The following DGKB variants were observed in gnomAD, a reference collection of about 807,000 sequenced individuals.
The protein encoded by DGKB is diacylglycerol kinase beta.
In DGKB, 67 loss-of-function variants were observed where a neutral mutation model predicts 114.3. The ratio of observed to expected loss-of-function variants is 0.59; its 90% CI spans 0.48 to 0.72. DGKB has a LOEUF of 0.72. Ranked by LOEUF, DGKB falls within the 30% of genes least tolerant of loss-of-function variation. DGKB has a pLI of 0.00. For missense variants in DGKB, 907 were observed against 975.2 expected (o/e 0.93, Z 0.93); for synonymous variants, 398 against 323.1 (o/e 1.23, Z -2.49).
chr7:14,464,962 T>G (rs1399555612), intron 21 of DGKB, among the ~76,000 whole-genome samples: 1 of 152,130 alleles, frequency 6.6e-6, no homozygotes, highest in Non-Finnish European at 1.5e-5. Flanking sequence ...TAAGGGTGGC[T>G]AGGTCACTAA....
intron 20 of DGKB, among the ~76,000 whole-genome samples, chr7:14,521,731 A>C (rs188644122): frequency 6.6e-6 from 1 of 152,142 alleles, no homozygotes; most frequent in Non-Finnish European, 1.5e-5. Context: ...TGATAACAAC[A>C]TCTATGTTTT....
intron 6 of DGKB, among the ~76,000 whole-genome samples, chr7:14,704,778 C>A (rs1380308661): frequency 2.0e-5 from 3 of 152,084 alleles, no homozygotes; most frequent in Non-Finnish European, 2.9e-5. Flanking sequence ...AGAAGGAAAA[C>A]TAACAAACAG....
In DGKB at chr7:14,498,473, C is replaced by G. The variant is rs1315069231; in HGVS notation, c.1771-20248G>C. ...CTGTAGAAAGTCAAGACCAGAGATT[C>G]AGAGAATAAAATAACCTGTCTAAAT... On this transcript the variant is annotated intron_variant, in intron 20 of 25. Coordinates refer to ENST00000402815, the MANE Select transcript of DGKB (RefSeq NM_001350709.2). Among the ~76,000 whole-genome samples the G allele has an allele frequency of 1.9e-4, 29 of 151,708 alleles. No individual in the cohort carries two copies. In the Admixed American group the frequency reaches 1.9e-3, roughly 10 times the overall value.
Position 14,148,937 on chromosome 7 carries a change from A to AAAG in DGKB, c.*191_*193dup, listed in dbSNP as rs1272928969. On this transcript the variant is annotated 3_prime_UTR_variant, in exon 26 of 26. Transcript: ENST00000402815. ...AGGTAAACTTCTGCTTTCTTCATGC[A>AAAG]AAGATGCCTATAAAAACTGAGACAA... 5 of 591,720 alleles carry AAAG rather than the reference A, an allele frequency of 8.4e-6. No homozygotes were observed. In the East Asian group the frequency reaches 1.2e-4, roughly 14 times the overall value. The allele number at this position is 591,720 out of a possible 1,614,324, so 36.7% of individuals were successfully genotyped here. A position where few individuals can be genotyped will look rare whatever the true frequency, so the allele number is the denominator to read the frequency against.
chr7:14,474,168 C>T (rs1286366242), intron 21 of DGKB, among the ~76,000 whole-genome samples: 1 of 152,110 alleles, frequency 6.6e-6, no homozygotes, highest in Non-Finnish European at 1.5e-5. Flanking sequence ...GTGGGAAGGA[C>T]CTGGTGGGTG....
At chr7:14,582,388 C>T (rs1160306541) in intron 18 of DGKB, among the ~76,000 whole-genome samples, 1 of 151,800 alleles carries the variant, frequency 6.6e-6, no homozygotes, top group Non-Finnish European at 1.5e-5. Context: ...GTATTATTTG[C>T]TCATAAAAAT....
chr7:14,955,954 G>A (rs1342435771), intron 1 of DGKB, among the ~76,000 whole-genome samples: 1 of 151,966 alleles, frequency 6.6e-6, no homozygotes, highest in African/African-American at 2.4e-5. Context: ...TGAAGAGGTA[G>A]GCATGAGGTA....
chr7:14,829,417 G>A (rs1846120391), intron 2 of DGKB, among the ~76,000 whole-genome samples: 1 of 152,090 alleles, frequency 6.6e-6, no homozygotes, highest in Non-Finnish European at 1.5e-5. Flanking sequence ...CAAAGTATAA[G>A]CTTCTTTGAC....
intron 21 of DGKB, among the ~76,000 whole-genome samples, chr7:14,346,160 T>A (rs531238243): frequency 2.6e-4 from 39 of 151,890 alleles, no homozygotes; most frequent in African/African-American, 9.1e-4. Context: ...AGTATGTCTC[T>A]CATATCAAAT....
intron 21 of DGKB, among the ~76,000 whole-genome samples, chr7:14,392,982 G>GTTTTTTTTTTTTTTTTT (rs1298052301): frequency 7.3e-5 from 2 of 27,468 alleles, no homozygotes; most frequent in Non-Finnish European, 2.2e-4. Context: ...AAACAGACCT[G>GTTTTTTTTTTTTTTTTT]TTTTTTGTTT....
chr7:14,839,372 C>A (rs907173885), intron 2 of DGKB, among the ~76,000 whole-genome samples: 3 of 151,546 alleles, frequency 2.0e-5, no homozygotes, highest in African/African-American at 4.8e-5. Flanking sequence ...AAGAAGTAGG[C>A]CATTCTGAAC....
At chr7:14,511,759 T>C (rs2128543686) in intron 20 of DGKB, among the ~76,000 whole-genome samples, 1 of 152,322 alleles carries the variant, frequency 6.6e-6, no homozygotes, top group African/African-American at 2.4e-5. Flanking sequence ...GATATGCAAC[T>C]CTTCCTTTCA....
chr7:14,661,510 A>G (rs1012575969), intron 13 of DGKB, among the ~76,000 whole-genome samples: 4 of 147,964 alleles, frequency 2.7e-5, no homozygotes. Flanking sequence ...ATGAGATACC[A>G]TCTCACACCA....
intron 23 of DGKB, among the ~76,000 whole-genome samples, chr7:14,332,111 T>A (rs1204228330): frequency 6.6e-6 from 1 of 151,858 alleles, no homozygotes; most frequent in Non-Finnish European, 1.5e-5. Context: ...TTTTGTTTTT[T>A]TGGCCTGAAT....
intron 1 of DGKB, among the ~76,000 whole-genome samples, chr7:14,946,816 T>A (rs1785907892): frequency 6.6e-6 from 1 of 151,850 alleles, no homozygotes; most frequent in Admixed American, 6.6e-5. Context: ...TTAGTAAGAT[T>A]CCTCTAACAT....
chr7:14,722,263 C>G (rs1829298487), intron 5 of DGKB, among the ~76,000 whole-genome samples: 2 of 152,100 alleles, frequency 1.3e-5, no homozygotes, highest in South Asian at 4.1e-4. Context: ...GTTTATTTAT[C>G]TCTGCCCTCC....
At chr7:14,463,607 G>C (rs998754362) in intron 21 of DGKB, among the ~76,000 whole-genome samples, 1 of 152,108 alleles carries the variant, frequency 6.6e-6, no homozygotes, top group Admixed American at 6.6e-5. Context: ...GGTTGGAATG[G>C]TGTTAAACTC....
intron 21 of DGKB, among the ~76,000 whole-genome samples, chr7:14,400,002 TA>T (rs1330670192): frequency 1.3e-5 from 2 of 151,930 alleles, no homozygotes; most frequent in Non-Finnish European, 2.9e-5. Context: ...CAAATTATTT[TA>T]AAAGAAGTTC....
At chr7:14,622,036 T>C (rs1320259002) in intron 14 of DGKB, among the ~76,000 whole-genome samples, 3 of 152,022 alleles carry the variant, frequency 2.0e-5, no homozygotes, top group African/African-American at 7.2e-5. Flanking sequence ...GCTCCCTGTT[T>C]CTATTTCCTC....
Sources: gnomAD v4.1 joint callset for allele counts (sites outside exome capture counted in the v4.1 genomes callset) on GRCh38, gnomAD v4.1.1 for gene constraint, MANE v1.5 for transcripts, NCBI Gene and HGNC (gene_info 2026-07-23, HGNC 2026-07-21) for gene names.